Variants in CFHR4 observed in about 807,000 individuals in gnomAD.
CFHR4 encodes the protein complement factor H related 4, also known as complement factor H-related protein 4.
CFHR4 carries 64 observed loss-of-function variants against 69.3 expected under a neutral mutation model. The observed-to-expected ratio is 0.92, with a 90% CI of 0.76 to 1.14. The LOEUF (loss-of-function observed/expected upper bound fraction) is 1.14. Among genes scored for constraint, CFHR4 ranks in the 50% most tolerant of loss-of-function variants. The probability of loss-of-function intolerance (pLI) is 0.00; values close to 1 mark genes in which losing one functional copy is unlikely to be tolerated. For synonymous variants in CFHR4, 244 were observed against 237.0 expected, an observed-to-expected ratio of 1.03 and a Z score of -0.27; for missense variants, 636 against 684.9, an observed-to-expected ratio of 0.93 and a Z score of 0.80.
intron 5 of CFHR4, among the ~76,000 whole-genome samples, chr1:196,909,429 A>T (rs376430731): frequency 2.0e-5 from 3 of 151,678 alleles, no homozygotes. Context: ...AACTTTTGAA[A>T]AATATGTTTG....
At chr1:196,889,723 A>C (rs1043764694) in intron 1 of CFHR4, among the ~76,000 whole-genome samples, 2 of 151,520 alleles carry the variant, frequency 1.3e-5, no homozygotes, top group African/African-American at 4.9e-5. Context: ...TCCAAAATTT[A>C]TTTGTAAAAG....
rs941775742 is a variant in CFHR4, at chr1:196,897,010, G to A, written c.59-5408G>A. Reference sequence around the variant, plus strand: ...TTGCTGCACTCATCATTTACATTAGGTATCAAACATAAACACTACTAGCTC... The same window carrying A: ...TTGCTGCACTCATCATTTACATTAGATATCAAACATAAACACTACTAGCTC... On this transcript the variant is annotated intron_variant, in intron 1 of 9. Coordinates refer to ENST00000608469, the MANE Select transcript of CFHR4 (RefSeq NM_001201550.3). Among the ~76,000 whole-genome samples, 2 of 151,364 alleles carry A rather than the reference G, an allele frequency of 1.3e-5. 1 individual carries two copies. Among genetic ancestry groups the A allele is most frequent in the African/African-American group, 4.9e-5 (2 of 40,980 alleles).
rs550223246 is a variant in CFHR4, at chr1:196,916,013, A to G, written c.1540+875A>G. On this transcript the variant is annotated intron_variant, in intron 9 of 9. Coordinates refer to ENST00000608469, the MANE Select transcript of CFHR4 (RefSeq NM_001201550.3). ...CTTATATTTTATCAGTATTCCTAGC[A>G]AGCAACAAAGAAATTAACGAAACTT... Among the ~76,000 whole-genome samples the G allele has an allele frequency of 1.6e-3, 241 of 151,650 alleles. 6 individuals carry two copies. The highest frequency in any genetic ancestry group is 5.4e-3 in the African/African-American group (223 of 41,186).
intron 9 of CFHR4, among the ~76,000 whole-genome samples, chr1:196,915,609 T>TG (rs940169216): frequency 1.3e-5 from 2 of 150,758 alleles, no homozygotes; most frequent in African/African-American, 4.9e-5. Flanking sequence ...CCCTCCAGCC[T>TG]GGGCGACAGA....
intron 2 of CFHR4, among the ~76,000 whole-genome samples, chr1:196,903,706 C>T (rs1025215039): frequency 6.6e-6 from 1 of 150,960 alleles, no homozygotes; most frequent in Admixed American, 6.6e-5. Context: ...CACACACACA[C>T]ATATGTCATG....
intron 9 of CFHR4, among the ~76,000 whole-genome samples, chr1:196,917,219 A>C (rs1347119342): frequency 6.6e-6 from 1 of 151,886 alleles, no homozygotes; most frequent in East Asian, 1.9e-4. Context: ...AGAATGCAGA[A>C]TACTTGAGTC....
Position 196,906,954 on chromosome 1 carries a change from A to AT in CFHR4, c.534dup (p.Gly179TrpfsTer3). On this transcript the variant is annotated frameshift_variant, in exon 4 of 10. Transcript: ENST00000608469. LOFTEE classifies it high-confidence loss of function. ...GACACATTGGACTATGAATGCTATG[A>AT]TGGATATGAAAGCAGTTATGGAAAC... 1 of 1,612,662 alleles carries AT rather than the reference A, an allele frequency of 6.2e-7. No individual in the cohort carries two copies. Among genetic ancestry groups the AT allele is most frequent in the Non-Finnish European group, 8.5e-7 (1 of 1,179,554 alleles).
intron 7 of CFHR4, 146 bp from the exon 8 acceptor site, chr1:196,914,349 A>C: frequency 1.4e-6 from 1 of 690,300 alleles, no homozygotes; most frequent in Non-Finnish European, 2.2e-6. Flanking sequence ...TAGCACAAAA[A>C]GCACTGATTG....
In CFHR4 at chr1:196,913,209, G is replaced by T; in HGVS notation, c.1180+287G>T. ...AGCTGCATGAGAATAACAGCAAAAT[G>T]TGTTAGTTGCCATTAAAAACTTCGT... On this transcript the variant is annotated intron_variant, in intron 7 of 9. Transcript: ENST00000608469. Among the ~76,000 whole-genome samples the T allele has an allele frequency of 1.3e-5, 2 of 151,526 alleles. 1 individual carries two copies. The highest frequency in any genetic ancestry group is 3.9e-4 in the East Asian group (2 of 5,178).
chr1:196,889,302 A>T (rs1392283085), intron 1 of CFHR4, among the ~76,000 whole-genome samples: 1 of 151,528 alleles, frequency 6.6e-6, no homozygotes, highest in East Asian at 1.9e-4. Context: ...GCCAAAATGA[A>T]AAAAAAGGAA....
At chr1:196,912,229 A>C (rs1363772661) in intron 6 of CFHR4, among the ~76,000 whole-genome samples, 2 of 151,106 alleles carry the variant, frequency 1.3e-5, no homozygotes, top group Non-Finnish European at 2.9e-5. Flanking sequence ...CTCAAACACC[A>C]CGTCTATATG....
In CFHR4 at chr1:196,890,017, A is replaced by G. The variant is rs1452599373; in HGVS notation, c.58+1809A>G. 1.3e-5 allele frequency among the ~76,000 whole-genome samples: 2 copies of G among 151,548 alleles called. 1 individual carries two copies. The highest frequency in any genetic ancestry group is 3.9e-4 in the East Asian group (2 of 5,178). On this transcript the variant is annotated intron_variant, in intron 1 of 9. Transcript: ENST00000608469. ...AACTGTAAGAAAATAAATTTCTATG[A>G]AATCTGTGGTACTTTCTTATGGTAG...
chr1:196,905,424 A>T (rs940832346), intron 3 of CFHR4, 134 bp downstream of exon 3: 1 of 1,285,178 alleles, frequency 7.8e-7, no homozygotes, highest in African/African-American at 1.6e-5. Flanking sequence ...ATCATCTAAC[A>T]TTCTGTGCCA....
At position 196,918,371 on chromosome 1, in the gene CFHR4, A is replaced by G. The variant is rs748147685; in HGVS notation, c.1702A>G (p.Arg568Gly). The change falls in exon 10 of 10, where the codon AGG (arginine) becomes GGG (glycine). Residue 568 changes from arginine to glycine, a missense_variant. Transcript: ENST00000608469. ...AGTTCTATCATTTCAAGCAGTGTGT[A>G]GGGAAGGCATAGTGGAATACCCCAG... ...TSVLSFQAVC[R>G]EGIVEYPRCE 1.9e-6 allele frequency: 3 copies of G among 1,612,288 alleles called. No individual in the cohort carries two copies. The highest frequency in any genetic ancestry group is 3.3e-5 in the Admixed American group (2 of 59,900).
Position 196,912,181 on chromosome 1 carries a change from A to G in CFHR4, c.998-559A>G, listed in dbSNP as rs548694648. Among the ~76,000 whole-genome samples, 981 of 151,228 alleles carry G rather than the reference A, an allele frequency of 6.5e-3. 15 individuals are homozygous for G. Among genetic ancestry groups the G allele is most frequent in the Admixed American group, 0.011 (165 of 15,166 alleles). ...TATTAGAACTTATTTTTGCTATCTT[A>G]TTTGCTTTCTTTTTTCTGCTTACAT... is the stretch of plus-strand genomic sequence containing the variant. On this transcript the variant is annotated intron_variant, in intron 6 of 9. Transcript: ENST00000608469.
chr1:196,892,623 C>A (rs1368037396), intron 1 of CFHR4, among the ~76,000 whole-genome samples: 1 of 151,216 alleles, frequency 6.6e-6, no homozygotes, highest in African/African-American at 2.4e-5. Context: ...TCACAGCAAA[C>A]CTATGTCTAT....
rs185353793 is a variant in CFHR4 at position 196,912,704 on chromosome 1, A to T, written c.998-36A>T. ...CCCTCCTATAAAAGAAGTATTCAAC[A>T]AATATTTACTTTTTTCTCTACTTTT... On this transcript the variant is annotated intron_variant, in intron 6 of 9. Coordinates refer to ENST00000608469, the MANE Select transcript of CFHR4 (RefSeq NM_001201550.3). 1.5e-4 allele frequency: 229 copies of T among 1,528,766 alleles called. 3 individuals carry two copies. The East Asian group carries it at 2.8e-3, about 18-fold the overall frequency. 94.7% of individuals were successfully genotyped at this position (1,528,766 alleles called of 1,614,324 possible).
chr1:196,907,189 G>A (rs1435456421), intron 4 of CFHR4, 127 bp from the exon 5 acceptor site: 2 of 1,194,456 alleles, frequency 1.7e-6, no homozygotes, highest in East Asian at 5.1e-5. Flanking sequence ...TAAAAAAAAA[G>A]GTTGAAAATA....
chr1:196,914,460 A>G, intron 7 of CFHR4, 35 bp from the exon 8 acceptor site: 2 of 1,589,410 alleles, frequency 1.3e-6, no homozygotes, highest in Non-Finnish European at 1.7e-6. Flanking sequence ...ATCGTATGGC[A>G]TAGAAAAGCA....
Sources: gnomAD v4.1 joint callset for allele counts (sites outside exome capture counted in the v4.1 genomes callset) on GRCh38, gnomAD v4.1.1 for gene constraint, MANE v1.5 for transcripts, NCBI Gene and HGNC (gene_info 2026-07-23, HGNC 2026-07-21) for gene names.